ZNF532: variants seen among roughly 807,000 people sequenced by gnomAD.
ZNF532 encodes zinc finger protein 532.
A neutral mutation model predicts 89.3 loss-of-function variants in ZNF532; 22 were observed. The ratio of observed to expected loss-of-function variants is 0.25; its 90% CI spans 0.18 to 0.35. ZNF532 has a LOEUF of 0.35. Among genes scored for constraint, ZNF532 ranks in the 10% least tolerant of loss-of-function variants. ZNF532 has a pLI of 1.00. For synonymous variants in ZNF532, 606 were observed against 649.6 expected (o/e 0.93, Z 1.02); for missense variants, 1,132 against 1,643.4 (o/e 0.69, Z 5.38).
chr18:58,972,719 T>C (rs546678342), intron 7 of ZNF532, among the ~76,000 whole-genome samples: 3 of 152,258 alleles, frequency 2.0e-5, no homozygotes, highest in African/African-American at 7.2e-5. Context: ...CTCAGTCTCT[T>C]CATTTATTAC....
At chr18:58,876,058 G>T (rs1467120941) in intron 2 of ZNF532, among the ~76,000 whole-genome samples, 1 of 149,418 alleles carries the variant, frequency 6.7e-6, no homozygotes, top group Non-Finnish European at 1.5e-5. Context: ...TCAGCCTCCC[G>T]AGTAGCTGGG....
At position 58,901,092 on chromosome 18, in the gene ZNF532, A is replaced by G. The variant is rs867738637; in HGVS notation, c.-17-17179A>G. Among the ~76,000 whole-genome samples the G allele has an allele frequency of 5.3e-5, 8 of 152,146 alleles. No individual in the cohort carries two copies. In the South Asian group the frequency reaches 6.2e-4, roughly 12 times the overall value. Reference sequence around the variant, plus strand: ...TCTGCCTGTTTCTATTTCTACCTTCATAGTATTGACCCATGGCCGAGATGG... The same window carrying G: ...TCTGCCTGTTTCTATTTCTACCTTCGTAGTATTGACCCATGGCCGAGATGG... On this transcript the variant is annotated intron_variant, in intron 2 of 9. Coordinates refer to ENST00000591808, the MANE Select transcript of ZNF532 (RefSeq NM_001375912.1).
chr18:58,967,711 C>T (rs1392252902), intron 7 of ZNF532, among the ~76,000 whole-genome samples: 1 of 152,172 alleles, frequency 6.6e-6, no homozygotes, highest in East Asian at 1.9e-4. Context: ...CATTCGGTCT[C>T]CCACGGCCTG....
chr18:58,972,189 ACT>A (rs1384944938), intron 7 of ZNF532, among the ~76,000 whole-genome samples: 4 of 152,142 alleles, frequency 2.6e-5, no homozygotes, highest in South Asian at 4.1e-4. Context: ...GGCGACAGAG[ACT>A]CTGTCTCAAA....
rs200982209 is a variant in ZNF532 at position 58,919,467 on chromosome 18, G to A, written c.1180G>A (p.Glu394Lys). 1.3e-5 allele frequency: 21 copies of A among 1,614,160 alleles called. No homozygotes were observed. Among genetic ancestry groups the A allele is most frequent in the East Asian group, 2.2e-5 (1 of 44,882 alleles). ...VDLDSGKKPSEQTASVMASVT... is the reference protein window; with the variant it reads ...VDLDSGKKPSKQTASVMASVT... ...TCTTGACTCTGGAAAGAAACCTTCC[G>A]AGCAGACAGCGTCCGTGATGGCCTC... Residue 394 changes from glutamate (E) to lysine (K), a missense_variant, in exon 3 of 10, where the codon GAG becomes AAG. Transcript: ENST00000591808. The surrounding 1 kb of genome is among the most constrained non-coding windows in gnomAD (Gnocchi z 6.1).
At chr18:58,977,955 A>G (rs1246417695) in intron 7 of ZNF532, among the ~76,000 whole-genome samples, 1 of 152,224 alleles carries the variant, frequency 6.6e-6, no homozygotes, top group Non-Finnish European at 1.5e-5. Context: ...GTTTAGAGCC[A>G]GATTTTGTTC....
At chr18:58,970,616 T>C (rs1220104514) in intron 7 of ZNF532, among the ~76,000 whole-genome samples, 2 of 152,242 alleles carry the variant, frequency 1.3e-5, no homozygotes, top group East Asian at 3.8e-4. Context: ...CGTCAGTCAT[T>C]GTGAAGGAGA....
At chr18:58,881,490 G>A (rs1180928853) in intron 2 of ZNF532, among the ~76,000 whole-genome samples, 1 of 152,198 alleles carries the variant, frequency 6.6e-6, no homozygotes, top group Non-Finnish European at 1.5e-5. Context: ...CACGCAAGTT[G>A]AGGATGCTGT....
intron 2 of ZNF532, among the ~76,000 whole-genome samples, chr18:58,910,675 A>C (rs902295739): frequency 2.6e-5 from 4 of 151,896 alleles, no homozygotes; most frequent in Admixed American, 6.6e-5. Context: ...GGGTTTCATC[A>C]TGTTGGCCAG....
intron 2 of ZNF532, among the ~76,000 whole-genome samples, chr18:58,884,298 T>A (rs1396990913): frequency 6.6e-6 from 1 of 152,256 alleles, no homozygotes; most frequent in African/African-American, 2.4e-5. Flanking sequence ...GGAGAAGCGC[T>A]TGAACCTGGA....
At chr18:58,915,859 T>C (rs2060564725) in intron 2 of ZNF532, among the ~76,000 whole-genome samples, 1 of 152,240 alleles carries the variant, frequency 6.6e-6, no homozygotes, top group Admixed American at 6.5e-5. Flanking sequence ...GTTCCTGAAC[T>C]GACTGCCCTC....
At chr18:58,916,470 G>T (rs891723073) in intron 2 of ZNF532, among the ~76,000 whole-genome samples, 1 of 152,096 alleles carries the variant, frequency 6.6e-6, no homozygotes, top group Non-Finnish European at 1.5e-5. Flanking sequence ...GTAGCTTGGT[G>T]CTGGGGGTAT....
At chr18:58,964,954 ATATT>A (rs996409508) in intron 7 of ZNF532, among the ~76,000 whole-genome samples, 2 of 148,928 alleles carry the variant, frequency 1.3e-5, no homozygotes, top group African/African-American at 4.9e-5. Context: ...TATTTCTTAT[ATATT>A]TATATACTAT....
chr18:58,944,211 G>A (rs2063460289), intron 5 of ZNF532, among the ~76,000 whole-genome samples: 1 of 152,188 alleles, frequency 6.6e-6, no homozygotes, highest in South Asian at 2.1e-4. Flanking sequence ...CAATTTCAAA[G>A]CTTGGAGTCT....
intron 4 of ZNF532, among the ~76,000 whole-genome samples, chr18:58,936,833 G>A (rs2062518028): frequency 6.6e-6 from 1 of 152,168 alleles, no homozygotes; most frequent in Non-Finnish European, 1.5e-5. Context: ...TAGCCCCGTG[G>A]CCTTGTCATG....
chr18:58,935,477 TCTCCCCCCTCTTCCCCCCTTCCTC>T lies in ZNF532; in HGVS notation c.2528+868_2528+891del, dbSNP rs565587850. On this transcript the variant is annotated intron_variant, in intron 4 of 9. Transcript: ENST00000591808. The stretch of plus-strand genomic sequence containing the variant: ...TCCTCCCCATTTCCTCCTTCTCCCT[TCTCCCCCCTCTTCCCCCCTTCCTC>T]CTCCTCCCTCTCCCCCTTCGAGTTC... Among the ~76,000 whole-genome samples the T allele has an allele frequency of 5.7e-3, 152 of 26,688 alleles. 1 individual carries two copies. The highest frequency in any genetic ancestry group is 0.024 in the African/African-American group (143 of 5,890). 17.5% of individuals were successfully genotyped at this position (26,688 alleles called of 152,430 possible). A position where few individuals can be genotyped will look rare whatever the true frequency, so the allele number is the denominator to read the frequency against.
intron 4 of ZNF532, 37 bp downstream of exon 4, chr18:58,934,651 G>A (rs549859281): frequency 6.3e-6 from 10 of 1,586,330 alleles, no homozygotes; most frequent in South Asian, 3.4e-5. Context: ...AGTAAAACTC[G>A]TTCACTTACA....
chr18:58,863,392 G>C (rs1295951535), upstream of ZNF532: 4 of 145,216 alleles, frequency 2.8e-5, no homozygotes, highest in Non-Finnish European at 6.1e-5. Flanking sequence ...GTCGGCGCCC[G>C]CCGGCCGCGG....
At chr18:58,884,245 T>G (rs1248192999) in intron 2 of ZNF532, among the ~76,000 whole-genome samples, 2 of 152,172 alleles carry the variant, frequency 1.3e-5, no homozygotes. Flanking sequence ...CTGGGTGCGC[T>G]GGGCGCGCTC....
Sources: allele counts gnomAD v4.1 joint callset (sites outside exome capture counted in the v4.1 genomes callset), GRCh38; gene constraint gnomAD v4.1.1; non-coding constraint Gnocchi (gnomAD v3.1); transcripts MANE v1.5; gene names NCBI Gene and HGNC (gene_info 2026-07-23, HGNC 2026-07-21).